The following AP1AR variants were observed in gnomAD, a reference collection of about 807,000 sequenced individuals.
AP1AR encodes AP-1 complex-associated regulatory protein.
AP1AR carries 29 observed loss-of-function variants against 46.3 expected under a neutral mutation model. The ratio of observed to expected loss-of-function variants is 0.63; its 90% CI spans 0.47 to 0.85. The LOEUF is 0.85. Among genes scored for constraint, AP1AR ranks in the 40% least tolerant of loss-of-function variants. AP1AR has a pLI of 0.00. For synonymous variants in AP1AR, 122 were observed against 122.9 expected (o/e 0.99, Z 0.05); for missense variants, 357 against 356.3 (o/e 1.00, Z -0.02).
intron 1 of AP1AR, among the ~76,000 whole-genome samples, chr4:112,251,802 AT>A (rs1300833383): frequency 2.0e-5 from 3 of 152,350 alleles, no homozygotes; most frequent in African/African-American, 7.2e-5. Context: ...AATCTGTGGA[AT>A]TGTAATACCA....
rs189150141 is a variant in AP1AR at position 112,245,392 on chromosome 4, G to T, written c.84-7816G>T. On this transcript the variant is annotated intron_variant, in intron 1 of 9. Transcript: ENST00000274000. The stretch of plus-strand genomic sequence containing the variant: ...AGAACTGTGATGGATTGAACATGGA[G>T]GGGGAAGAATTAAGGAAGATCTAAA... Among the ~76,000 whole-genome samples the T allele has an allele frequency of 9.5e-4, 144 of 152,270 alleles. 1 individual carries two copies. Among genetic ancestry groups the T allele is most frequent in the African/African-American group, 3.3e-3 (136 of 41,560 alleles).
At position 112,268,595 on chromosome 4, in the gene AP1AR, C is replaced by T; in HGVS notation, c.*186C>T. 2.1e-6 allele frequency: 1 copy of T among 473,330 alleles called. No individual in the cohort carries two copies. The highest frequency in any genetic ancestry group is 2.0e-5 in the African/African-American group (1 of 49,884). The allele number at this position is 473,330 out of a possible 1,614,324, so 29.3% of individuals were successfully genotyped here. A position where few individuals can be genotyped will look rare whatever the true frequency, so the allele number is the denominator to read the frequency against. ...ATTGATACAGAATTAAGTGCAATTT[C>T]ATCATCTGCCTTCTGCTTTTCAAGA... On this transcript the variant is annotated 3_prime_UTR_variant, in exon 10 of 10. Coordinates refer to ENST00000274000, the MANE Select transcript of AP1AR (RefSeq NM_018569.6).
intron 1 of AP1AR, among the ~76,000 whole-genome samples, chr4:112,238,395 C>G (rs1725343619): frequency 6.6e-6 from 1 of 151,490 alleles, no homozygotes; most frequent in Non-Finnish European, 1.5e-5. Flanking sequence ...TATTGACTCA[C>G]TATTTTTTTT....
At chr4:112,233,287 A>G (rs1208995439) in intron 1 of AP1AR, among the ~76,000 whole-genome samples, 1 of 152,260 alleles carries the variant, frequency 6.6e-6, no homozygotes, top group Non-Finnish European at 1.5e-5. Flanking sequence ...CCTCTCTGAT[A>G]CAAAATAGCT....
rs1468350861 is a variant in AP1AR at position 112,272,367 on chromosome 4, CT to C, written c.*3960del. 6.6e-6 allele frequency among the ~76,000 whole-genome samples: 1 copy of C among 152,060 alleles called. No individual in the cohort carries two copies. Among genetic ancestry groups the C allele is most frequent in the Non-Finnish European group, 1.5e-5 (1 of 68,016 alleles). On this transcript the variant is annotated 3_prime_UTR_variant, in exon 10 of 10. Coordinates refer to ENST00000274000, the MANE Select transcript of AP1AR (RefSeq NM_018569.6). ...AGAATTTAAGATGGCAGAGTTTGGC[CT>C]TCCTCTGGGGGCATGACCAGACATG...
Position 112,262,997 on chromosome 4 carries a change from C to T in AP1AR, c.292C>T (p.Gln98Ter), listed in dbSNP as rs1174644954. The T allele has an allele frequency of 1.2e-5, 19 of 1,613,164 alleles. No homozygotes were observed. The highest frequency in any genetic ancestry group is 2.2e-5 in the East Asian group (1 of 44,808). Residue 98 changes from glutamine (Q) to a stop codon, truncating the protein, a stop_gained, in exon 6 of 10, where the codon CAA becomes TAA. Transcript: ENST00000274000. LOFTEE classifies it high-confidence loss of function. ...DKKIQKELAL[Q>*]EEKLRLEEEA... Reference sequence around the variant, plus strand: ...TTTTGTTCATGTACAGTTAGCCTTACAAGAAGAGAAGTTAAGACTAGAAGA... The same window carrying T: ...TTTTGTTCATGTACAGTTAGCCTTATAAGAAGAGAAGTTAAGACTAGAAGA...
intron 3 of AP1AR, among the ~76,000 whole-genome samples, chr4:112,255,744 T>TA: frequency 6.6e-6 from 1 of 152,246 alleles, no homozygotes; most frequent in African/African-American, 2.4e-5. Context: ...ACAGAAGTGT[T>TA]AAAAATGAGA....
intron 3 of AP1AR, among the ~76,000 whole-genome samples, chr4:112,257,353 G>A (rs1193727176): frequency 6.6e-6 from 1 of 152,016 alleles, no homozygotes; most frequent in African/African-American, 2.4e-5. Flanking sequence ...TTGATTTTGT[G>A]GTTACAAGTA....
At chr4:112,256,923 A>G (rs1167178505) in intron 3 of AP1AR, among the ~76,000 whole-genome samples, 1 of 152,226 alleles carries the variant, frequency 6.6e-6, no homozygotes, top group Non-Finnish European at 1.5e-5. Context: ...ATGTTCATCA[A>G]CCAATCAGTA....
At chr4:112,258,948 C>G (rs2110486317) in intron 4 of AP1AR, among the ~76,000 whole-genome samples, 1 of 152,180 alleles carries the variant, frequency 6.6e-6, no homozygotes, top group African/African-American at 2.4e-5. Context: ...TTACCAAGAT[C>G]ACCTAACTGA....
In AP1AR at chr4:112,263,103, C is replaced by G. The variant is rs767977264; in HGVS notation, c.381+17C>G. On this transcript the variant is annotated intron_variant, in intron 6 of 9. Transcript: ENST00000274000. ...CTCTTGGAGGTGAGGGGAAAAGACC[C>G]CAGCATATATTAGGGTTGCTTTTCT... The G allele has an allele frequency of 6.3e-7, 1 of 1,596,084 alleles. No individual in the cohort carries two copies. The highest frequency in any genetic ancestry group is 1.1e-5 in the South Asian group (1 of 88,952).
At chr4:112,265,703 A>G (rs1192306493) in intron 7 of AP1AR, 31 bp from the exon 8 acceptor site, 1 of 1,531,212 alleles carries the variant, frequency 6.5e-7, no homozygotes, top group East Asian at 2.3e-5. Flanking sequence ...TACCATGAAT[A>G]TATTAAAAAA....
rs371293154 is a variant in AP1AR, at chr4:112,259,379, T to G, written c.186-1387T>G. ...CTTTGCCACATACTATATGACTTAC[T>G]TAGCCATACTCTTAATCTGTCTTCG... On this transcript the variant is annotated intron_variant, in intron 4 of 9. Coordinates refer to ENST00000274000, the MANE Select transcript of AP1AR (RefSeq NM_018569.6). Among the ~76,000 whole-genome samples, 11 of 152,326 alleles carry G rather than the reference T, an allele frequency of 7.2e-5. No homozygotes were observed. The East Asian group carries it at 1.5e-3, about 21-fold the overall frequency.
chr4:112,233,744 A>G (rs988588456), intron 1 of AP1AR, among the ~76,000 whole-genome samples: 3 of 151,886 alleles, frequency 2.0e-5, no homozygotes, highest in Non-Finnish European at 4.4e-5. Flanking sequence ...TGTAGGTTCT[A>G]CTCCCTCAGC....
At chr4:112,252,778 C>CAT (rs947387467) in intron 1 of AP1AR, among the ~76,000 whole-genome samples, 10 of 152,148 alleles carry the variant, frequency 6.6e-5, no homozygotes, top group African/African-American at 2.4e-4. Flanking sequence ...AGCATATTGA[C>CAT]ATATATACTT....
intron 7 of AP1AR, 78 bp downstream of exon 7, chr4:112,265,145 A>G (rs1726646629): frequency 2.7e-6 from 3 of 1,113,702 alleles, no homozygotes; most frequent in Middle Eastern, 2.0e-4. Flanking sequence ...TCACCTCAAG[A>G]TGTGTATATA....
rs542586495 is a variant in AP1AR, at chr4:112,248,741, G to A, written c.84-4467G>A. ...TATTAAAATCTAAAACTCTTCCCAT[G>A]GTCTATAAAGGCCTGTGATCTGACC... On this transcript the variant is annotated intron_variant, in intron 1 of 9. Transcript: ENST00000274000. Among the ~76,000 whole-genome samples, 9 of 152,220 alleles carry A rather than the reference G, an allele frequency of 5.9e-5. 1 individual carries two copies. In the South Asian group the frequency reaches 1.9e-3, roughly 32 times the overall value.
intron 6 of AP1AR, among the ~76,000 whole-genome samples, chr4:112,264,688 T>C (rs1208863881): frequency 6.6e-6 from 1 of 152,134 alleles, no homozygotes; most frequent in Non-Finnish European, 1.5e-5. Flanking sequence ...GCTCCTCATT[T>C]TTCCAGTTGG....
At chr4:112,252,693 T>G (rs931245884) in intron 1 of AP1AR, among the ~76,000 whole-genome samples, 13 of 152,236 alleles carry the variant, frequency 8.5e-5, no homozygotes, top group Admixed American at 7.2e-4. Context: ...TTCTCTTTTA[T>G]TTGTGAGGGC....
Sources: allele counts gnomAD v4.1 joint callset (sites outside exome capture counted in the v4.1 genomes callset), GRCh38; gene constraint gnomAD v4.1.1; transcripts MANE v1.5; gene names NCBI Gene and HGNC (gene_info 2026-07-23, HGNC 2026-07-21).